The following EFL1 variants were observed in gnomAD, a reference collection of about 807,000 sequenced individuals.
EFL1 encodes elongation factor-like GTPase 1.
In EFL1, 76 loss-of-function variants were observed where a neutral mutation model predicts 126.7. That is an observed-to-expected ratio of 0.60 (90% confidence interval 0.50 to 0.73). EFL1 has a LOEUF of 0.73. EFL1 is among the 30% of genes least tolerant of loss of function. The pLI is 0.00. For missense variants in EFL1, 1,128 were observed against 1,343.2 expected, an observed-to-expected ratio of 0.84 and a Z score of 2.50; for synonymous variants, 410 against 448.4, an observed-to-expected ratio of 0.91 and a Z score of 1.08.
chr15:82,249,800 T>C (rs1348797304), intron 4 of EFL1, among the ~76,000 whole-genome samples: 1 of 152,108 alleles, frequency 6.6e-6, no homozygotes, highest in African/African-American at 2.4e-5. Flanking sequence ...AAAGAAAAAT[T>C]AGGTTCCTGG....
Position 82,240,461 on chromosome 15 carries a change from G to T in EFL1, c.473C>A (p.Thr158Asn). The change falls in exon 6 of 20, where the codon ACC becomes AAC. Residue 158 changes from threonine (T) to asparagine (N), a missense_variant. Around this residue, in one of 6 missense-constraint regions of EFL1, gnomAD observed 316 missense variants for 318.5 expected, o/e 0.99. Transcript: ENST00000268206. ...IDRLIVELKFTPQEAYSHLKN... is the reference protein window; with the variant it reads ...IDRLIVELKFNPQEAYSHLKN... ...GAGGTGAGAATAGGCCTCTTGTGGG[G>T]TGAATTTCAGTTCCACTATCAAGCG... The T allele has an allele frequency of 6.2e-7, 1 of 1,613,290 alleles. No individual in the cohort carries two copies. Among genetic ancestry groups the T allele is most frequent in the South Asian group, 1.1e-5 (1 of 90,932 alleles).
chr15:82,262,435 C>G (rs2075135184), intron 1 of EFL1, 179 bp downstream of exon 1: 1 of 186,154 alleles, frequency 5.4e-6, no homozygotes, highest in Non-Finnish European at 1.1e-5. Flanking sequence ...CCTGGGTCCA[C>G]ACAGACAGGC....
intron 18 of EFL1, among the ~76,000 whole-genome samples, chr15:82,142,978 A>G (rs942096887): frequency 6.6e-5 from 10 of 152,214 alleles, no homozygotes; most frequent in Non-Finnish European, 1.3e-4. Context: ...TTATGGCCCT[A>G]TGGATTCTCA....
At position 82,151,692 on chromosome 15, in the gene EFL1, C is replaced by G. The variant is rs560932740; in HGVS notation, c.2762G>C (p.Cys921Ser). 3.7e-6 allele frequency: 6 copies of G among 1,614,166 alleles called. No homozygotes were observed. Among genetic ancestry groups the G allele is most frequent in the Non-Finnish European group, 5.1e-6 (6 of 1,180,034 alleles). The change falls in exon 18 of 20, where the codon TGT becomes TCT. Residue 921 changes from cysteine to serine, a missense_variant. Cys to Ser is a moderately radical substitution (Grantham distance 112). Transcript: ENST00000268206. Reference sequence around the variant, plus strand: ...CTCTTGGTTTTCATTTCCACCAGAACAGGTTTCATTTTCCTCCTGTCCCTC... The same window carrying G: ...CTCTTGGTTTTCATTTCCACCAGAAGAGGTTTCATTTTCCTCCTGTCCCTC... ...AKEGQEENET[C>S]SGGNENQELQ...
chr15:82,202,479 T>G (rs2074479671), intron 15 of EFL1, among the ~76,000 whole-genome samples: 3 of 152,230 alleles, frequency 2.0e-5, no homozygotes, highest in Non-Finnish European at 4.4e-5. Context: ...ACAATTATGT[T>G]GCTTAATTGA....
intron 15 of EFL1, among the ~76,000 whole-genome samples, chr15:82,194,812 T>A (rs970301009): frequency 6.6e-6 from 1 of 152,162 alleles, no homozygotes; most frequent in Non-Finnish European, 1.5e-5. Context: ...ATGCTCAGCT[T>A]CTCTACTTTT....
chr15:82,207,786 G>C (rs1160790947), intron 15 of EFL1, among the ~76,000 whole-genome samples: 1 of 151,288 alleles, frequency 6.6e-6, no homozygotes, highest in East Asian at 1.9e-4. Context: ...AATGGTGCGG[G>C]CTCGGCTCAC....
At chr15:82,211,591 A>C (rs2074589625) in intron 15 of EFL1, among the ~76,000 whole-genome samples, 1 of 63,550 alleles carries the variant, frequency 1.6e-5, no homozygotes, top group Admixed American at 1.3e-4. Flanking sequence ...CTAGACACAT[A>C]CTAGACACAC....
At position 82,152,427 on chromosome 15, in the gene EFL1, C is replaced by G. The variant is rs761406479; in HGVS notation, c.2031-4G>C. On this transcript the variant is annotated splice_region_variant and splice_polypyrimidine_tract_variant and intron_variant, in intron 17 of 19. Coordinates refer to ENST00000268206, the MANE Select transcript of EFL1 (RefSeq NM_024580.6). ...ACTGATATGAATCTTTGCAAACCTACAGACAAATTCAAGAGAAATAACAGA... is the reference window on the plus strand; with the variant it reads ...ACTGATATGAATCTTTGCAAACCTAGAGACAAATTCAAGAGAAATAACAGA... 6.3e-7 allele frequency: 1 copy of G among 1,589,052 alleles called. No homozygotes were observed. The highest frequency in any genetic ancestry group is 8.5e-7 in the Non-Finnish European group (1 of 1,170,296).
intron 8 of EFL1, among the ~76,000 whole-genome samples, chr15:82,229,846 T>C (rs1361411776): frequency 6.6e-6 from 1 of 152,126 alleles, no homozygotes; most frequent in African/African-American, 2.4e-5. Flanking sequence ...TCTCACAAAA[T>C]AAAATAACAG....
At chr15:82,228,957 A>G in intron 9 of EFL1, 77 bp downstream of exon 9, 1 of 1,206,150 alleles carries the variant, frequency 8.3e-7, no homozygotes, top group Non-Finnish European at 1.2e-6. Flanking sequence ...GCTTTCTGAA[A>G]TATGACTCAT....
chr15:82,187,969 TA>T (rs774604757), intron 15 of EFL1, among the ~76,000 whole-genome samples: 2 of 152,140 alleles, frequency 1.3e-5, no homozygotes, highest in East Asian at 3.9e-4. Context: ...ACTTTTAGGA[TA>T]CTCTGTATTT....
At chr15:82,165,591 T>C (rs146326331) in intron 15 of EFL1, among the ~76,000 whole-genome samples, 41 of 152,330 alleles carry the variant, frequency 2.7e-4, no homozygotes, top group Non-Finnish European at 1.8e-4. Flanking sequence ...CCTCGCTACA[T>C]TAACAGATAG....
chr15:82,232,320 T>G (rs532199134), intron 7 of EFL1, among the ~76,000 whole-genome samples: 1 of 152,356 alleles, frequency 6.6e-6, no homozygotes, highest in African/African-American at 2.4e-5. Flanking sequence ...GAGCGATGAA[T>G]ACATGAAACC....
intron 4 of EFL1, among the ~76,000 whole-genome samples, chr15:82,244,120 C>T (rs1350240013): frequency 1.3e-5 from 2 of 152,120 alleles, no homozygotes; most frequent in African/African-American, 4.8e-5. Flanking sequence ...CCAATTCCTC[C>T]TTCAATGCCT....
chr15:82,229,538 A>C (rs1246287774), intron 8 of EFL1, among the ~76,000 whole-genome samples: 2 of 152,302 alleles, frequency 1.3e-5, no homozygotes, highest in East Asian at 3.9e-4. Flanking sequence ...AAACCCAAAA[A>C]ACCCCATCAT....
At chr15:82,251,877 T>C (rs2075025097) in intron 4 of EFL1, among the ~76,000 whole-genome samples, 1 of 152,238 alleles carries the variant, frequency 6.6e-6, no homozygotes, top group Admixed American at 6.5e-5. Context: ...TTTCACATAC[T>C]ACAAAAATAA....
intron 2 of EFL1, among the ~76,000 whole-genome samples, 198 bp from the exon 3 acceptor site, chr15:82,259,353 A>G (rs1027582620): frequency 7.2e-5 from 11 of 152,220 alleles, no homozygotes; most frequent in African/African-American, 2.2e-4. Context: ...GCACTCTATA[A>G]TGCTGTAATC....
intron 15 of EFL1, among the ~76,000 whole-genome samples, chr15:82,180,373 CA>C (rs200867541): frequency 0.35 from 32,596 of 93,978 alleles, 4,070 homozygotes; most frequent in South Asian, 0.48. Flanking sequence ...AAAAAAAAAA[CA>C]AAAAAAAAAC....
Sources: allele counts gnomAD v4.1 joint callset (sites outside exome capture counted in the v4.1 genomes callset), GRCh38; gene constraint gnomAD v4.1.1; regional missense constraint gnomAD v4.1.1; transcripts MANE v1.5; gene names NCBI Gene and HGNC (gene_info 2026-07-23, HGNC 2026-07-21).